ASCC1: variants seen among roughly 807,000 people sequenced by gnomAD.
The protein encoded by ASCC1 is ASC-1 complex subunit P50.
In ASCC1, 35 loss-of-function variants were observed where a neutral mutation model predicts 46.6. The observed-to-expected ratio is 0.75, with a 90% CI of 0.57 to 0.99. ASCC1 has a LOEUF of 0.99. ASCC1 is among the 50% of genes least tolerant of loss of function. The probability of loss-of-function intolerance (pLI) is 0.00; values close to 1 mark genes in which losing one functional copy is unlikely to be tolerated. For synonymous variants in ASCC1, 143 were observed against 146.6 expected (o/e 0.98, Z 0.18); for missense variants, 376 against 428.7 (o/e 0.88, Z 1.09).
At chr10:72,168,780 G>C (rs1421631220) in intron 5 of ASCC1, among the ~76,000 whole-genome samples, 4 of 152,200 alleles carry the variant, frequency 2.6e-5, no homozygotes, top group Non-Finnish European at 4.4e-5. Context: ...AGAAACAGTC[G>C]CATGAGGACA....
intron 7 of ASCC1, among the ~76,000 whole-genome samples, chr10:72,141,858 A>G (rs1415403420): frequency 6.6e-6 from 1 of 152,160 alleles, no homozygotes; most frequent in Non-Finnish European, 1.5e-5. Context: ...CTGATCTCTT[A>G]TCAATGTTAA....
intron 9 of ASCC1, among the ~76,000 whole-genome samples, chr10:72,098,277 G>GCGT (rs1413450319): frequency 2.0e-5 from 3 of 152,236 alleles, no homozygotes; most frequent in African/African-American, 7.2e-5. Flanking sequence ...TGAATAAGGA[G>GCGT]CGTCAAAGAG....
At chr10:72,205,719 C>G (rs1418317486) in intron 3 of ASCC1, among the ~76,000 whole-genome samples, 1 of 151,840 alleles carries the variant, frequency 6.6e-6, no homozygotes, top group Non-Finnish European at 1.5e-5. Flanking sequence ...TTGCTTGAAC[C>G]TGGGAGACAG....
At chr10:72,133,569 C>A in intron 7 of ASCC1, 1 of 296,460 alleles carries the variant, frequency 3.4e-6, no homozygotes, top group South Asian at 3.3e-5. Context: ...GATGCCAAGG[C>A]ATGCAAGATC....
intron 9 of ASCC1, among the ~76,000 whole-genome samples, chr10:72,116,268 T>C (rs1238986838): frequency 6.6e-6 from 1 of 152,260 alleles, no homozygotes; most frequent in East Asian, 1.9e-4. Context: ...AAGCATTCTT[T>C]GGCTGAACTT....
intron 9 of ASCC1, among the ~76,000 whole-genome samples, chr10:72,106,600 G>A (rs140846138): frequency 2.0e-5 from 3 of 152,152 alleles, no homozygotes; most frequent in African/African-American, 7.2e-5. Context: ...ATGAGGGATG[G>A]TATGAACAGA....
intron 1 of ASCC1, among the ~76,000 whole-genome samples, chr10:72,214,857 C>G (rs1253903852): frequency 2.6e-5 from 4 of 152,190 alleles, no homozygotes; most frequent in African/African-American, 9.7e-5. Flanking sequence ...GGTTCTCAGA[C>G]CAACATACTG....
At chr10:72,147,129 A>G (rs1847726732) in intron 7 of ASCC1, among the ~76,000 whole-genome samples, 1 of 151,322 alleles carries the variant, frequency 6.6e-6, no homozygotes, top group African/African-American at 2.4e-5. Flanking sequence ...AAATAATACA[A>G]AAGTGGCTAT....
chr10:72,163,533 G>C (rs191260708), intron 5 of ASCC1, among the ~76,000 whole-genome samples: 3 of 151,984 alleles, frequency 2.0e-5, no homozygotes, highest in African/African-American at 4.8e-5. Flanking sequence ...TCAGGAGTTC[G>C]AGACCAGACT....
In ASCC1 at chr10:72,209,107, G is replaced by A. The variant is rs112722791; in HGVS notation, c.212+1625C>T. Among the ~76,000 whole-genome samples the A allele has an allele frequency of 6.3e-3, 962 of 151,780 alleles. 8 individuals carry two copies. Among genetic ancestry groups the A allele is most frequent in the African/African-American group, 0.021 (887 of 41,364 alleles). On this transcript the variant is annotated intron_variant, in intron 3 of 9. Coordinates refer to ENST00000672957, the MANE Select transcript of ASCC1 (RefSeq NM_001198800.3). ...TTGAGCCCAGGAAGTCAAGGCTACA[G>A]TGAGCCGAGATCGCACCACTGCACT... is the stretch of plus-strand genomic sequence containing the variant.
At chr10:72,176,165 C>T (rs1232481832) in intron 5 of ASCC1, among the ~76,000 whole-genome samples, 1 of 152,162 alleles carries the variant, frequency 6.6e-6, no homozygotes, top group African/African-American at 2.4e-5. Flanking sequence ...AATATATCCC[C>T]TCCTGAATAT....
In ASCC1 at chr10:72,147,769, C is replaced by G. The variant is rs1655570345; in HGVS notation, c.746+5100G>C. 2.0e-5 allele frequency among the ~76,000 whole-genome samples: 3 copies of G among 152,048 alleles called. 1 individual carries two copies. The South Asian group carries it at 6.2e-4, about 32-fold the overall frequency. Reference sequence around the variant, plus strand: ...TTATCTTACACAGATGTTACGAAGACTAAATGGAAATAATACAATCTAAGC... The same window carrying G: ...TTATCTTACACAGATGTTACGAAGAGTAAATGGAAATAATACAATCTAAGC... On this transcript the variant is annotated intron_variant, in intron 7 of 9. Transcript: ENST00000672957.
intron 4 of ASCC1, among the ~76,000 whole-genome samples, chr10:72,202,754 T>TGA (rs1281864526): frequency 6.6e-6 from 1 of 152,190 alleles, no homozygotes; most frequent in Non-Finnish European, 1.5e-5. Flanking sequence ...AAGGCTGAAC[T>TGA]TTATTTTATA....
chr10:72,196,897 G>C lies in ASCC1; in HGVS notation c.403C>G (p.His135Asp). 6.2e-7 allele frequency: 1 copy of C among 1,613,604 alleles called. No homozygotes were observed. Among genetic ancestry groups the C allele is most frequent in the East Asian group, 2.2e-5 (1 of 44,870 alleles). The change falls in exon 5 of 10, where the codon CAC becomes GAC. Residue 135 changes from histidine (H) to aspartate (D), a missense_variant. His to Asp is a moderately conservative substitution (Grantham distance 81). Transcript: ENST00000672957. ...DTFRRKQPFTHFLAFFLNEVE... is the reference protein window; with the variant it reads ...DTFRRKQPFTDFLAFFLNEVE... ...TCATTGAGGAAAAAGGCAAGGAAGT[G>C]AGTGAAGGGCTGCTTTCTTCGAAAA...
At chr10:72,151,460 G>C (rs1302202612) in intron 7 of ASCC1, among the ~76,000 whole-genome samples, 1 of 151,388 alleles carries the variant, frequency 6.6e-6, no homozygotes, top group African/African-American at 2.4e-5. Flanking sequence ...TGGGGGGCCG[G>C]GGGAGGGATA....
At chr10:72,195,135 C>CTG (rs1482325718) in intron 5 of ASCC1, among the ~76,000 whole-genome samples, 3 of 101,414 alleles carry the variant, frequency 3.0e-5, no homozygotes, top group African/African-American at 1.2e-4. Flanking sequence ...GTGTTTTTTG[C>CTG]TGTGTTTTTT....
chr10:72,190,060 C>T (rs560591154), intron 5 of ASCC1: 242 of 758,028 alleles, frequency 3.2e-4, no homozygotes, highest in Non-Finnish European at 5.2e-4. Flanking sequence ...ACAGTGCTCC[C>T]CACCCCACCC....
chr10:72,146,378 C>T (rs1230047696), intron 7 of ASCC1, among the ~76,000 whole-genome samples: 1 of 151,984 alleles, frequency 6.6e-6, no homozygotes, highest in African/African-American at 2.4e-5. Context: ...AATGGGGTCA[C>T]GAGAATAAGT....
intron 5 of ASCC1, among the ~76,000 whole-genome samples, chr10:72,191,097 G>A (rs1180009747): frequency 2.0e-5 from 3 of 148,556 alleles, no homozygotes; most frequent in Non-Finnish European, 4.5e-5. Flanking sequence ...TCGCTCTGTC[G>A]CCCAGGCTGG....
Sources: allele counts gnomAD v4.1 joint callset (sites outside exome capture counted in the v4.1 genomes callset), GRCh38; gene constraint gnomAD v4.1.1; transcripts MANE v1.5; gene names NCBI Gene and HGNC (gene_info 2026-07-23, HGNC 2026-07-21).